Variants in SUGCT observed in about 807,000 individuals in gnomAD.
SUGCT encodes the protein succinyl-CoA:glutarate CoA-transferase.
Under a neutral mutation model 55.0 loss-of-function variants are expected in SUGCT, and 41 were observed. The ratio of observed to expected loss-of-function variants is 0.74; its 90% CI spans 0.58 to 0.97. SUGCT has a LOEUF of 0.97. Among genes scored for constraint, SUGCT ranks in the 50% least tolerant of loss-of-function variants. SUGCT has a pLI of 0.00. For synonymous variants in SUGCT, 187 were observed against 200.4 expected (o/e 0.93, Z 0.56); for missense variants, 568 against 547.8 (o/e 1.04, Z -0.37).
At chr7:40,317,724 T>G (rs1037838877) in intron 9 of SUGCT, among the ~76,000 whole-genome samples, 3 of 152,256 alleles carry the variant, frequency 2.0e-5, no homozygotes, top group African/African-American at 7.2e-5. Context: ...TCAACCCTGC[T>G]AATCATCCTT....
chr7:40,677,356 C>A (rs930847652), intron 12 of SUGCT, among the ~76,000 whole-genome samples: 10 of 152,218 alleles, frequency 6.6e-5, no homozygotes, highest in African/African-American at 2.4e-4. Flanking sequence ...ATTTTAATCA[C>A]TCACCAAAGT....
intron 11 of SUGCT, among the ~76,000 whole-genome samples, chr7:40,464,078 G>A (rs987118215): frequency 6.6e-6 from 1 of 152,184 alleles, no homozygotes; most frequent in African/African-American, 2.4e-5. Context: ...TAAAGATGAT[G>A]TATTAGTGTT....
At chr7:40,801,915 G>A (rs1485088032) in intron 13 of SUGCT, among the ~76,000 whole-genome samples, 1 of 151,664 alleles carries the variant, frequency 6.6e-6, no homozygotes, top group Admixed American at 6.6e-5. Context: ...TATAGCTCTT[G>A]TGAACAAGAA....
downstream of SUGCT, among the ~76,000 whole-genome samples, chr7:40,864,426 A>G (rs1161061156): frequency 6.6e-6 from 1 of 152,148 alleles, no homozygotes; most frequent in East Asian, 1.9e-4. Context: ...TGCTAGGATT[A>G]CAGACATGAG....
chr7:40,743,940 G>T (rs1787599717), intron 12 of SUGCT, among the ~76,000 whole-genome samples: 1 of 151,588 alleles, frequency 6.6e-6, no homozygotes, highest in African/African-American at 2.4e-5. Context: ...ATATATTTTT[G>T]AAACGGAGTC....
chr7:40,813,812 T>C (rs1791538910), intron 13 of SUGCT, among the ~76,000 whole-genome samples: 1 of 152,180 alleles, frequency 6.6e-6, no homozygotes, highest in African/African-American at 2.4e-5. Context: ...CTTGATAGGG[T>C]CTGTGGGCTA....
the SUGCT span, among the ~76,000 whole-genome samples, chr7:40,959,699 A>G: frequency 0.34 from 49,267 of 143,094 alleles, 8,860 homozygotes; most frequent in Admixed American, 0.47. Context: ...GGTGTTCCAG[A>G]TGCCACTGGG....
intron 12 of SUGCT, among the ~76,000 whole-genome samples, chr7:40,660,734 T>A (rs978639149): frequency 1.1e-4 from 17 of 152,194 alleles, no homozygotes; most frequent in Non-Finnish European, 1.9e-4. Context: ...CAGAAAACTT[T>A]GTTTGATAAA....
At chr7:40,769,083 T>C (rs1169135155) in intron 13 of SUGCT, among the ~76,000 whole-genome samples, 1 of 149,994 alleles carries the variant, frequency 6.7e-6, no homozygotes, top group Non-Finnish European at 1.5e-5. Context: ...ACAAGCTTTC[T>C]TACATGGGGA....
At chr7:40,622,528 G>GTTT (rs370877783) in intron 12 of SUGCT, among the ~76,000 whole-genome samples, 1,437 of 79,950 alleles carry the variant, frequency 0.018, 1 homozygote, top group East Asian at 0.031. Flanking sequence ...TGTTGTGGTT[G>GTTT]TTTTTTTTTT....
chr7:40,532,751 G>C (rs555649096), intron 12 of SUGCT, among the ~76,000 whole-genome samples: 2 of 152,130 alleles, frequency 1.3e-5, no homozygotes, highest in South Asian at 4.2e-4. Context: ...GTAACATACT[G>C]ATTCCATTAT....
chr7:40,335,321 C>G (rs1041601229), intron 9 of SUGCT, among the ~76,000 whole-genome samples: 22 of 151,906 alleles, frequency 1.4e-4, no homozygotes, highest in Non-Finnish European at 2.8e-4. Flanking sequence ...GGCATTGAAT[C>G]TATAAATTAC....
the SUGCT span, among the ~76,000 whole-genome samples, chr7:40,937,161 T>A: frequency 3.3e-5 from 5 of 152,192 alleles, no homozygotes; most frequent in South Asian, 6.2e-4. Context: ...AGTTTAGTTG[T>A]TCTTCCTCCA....
At chr7:40,222,187 TA>T (rs1383755897) in intron 6 of SUGCT, among the ~76,000 whole-genome samples, 3 of 152,208 alleles carry the variant, frequency 2.0e-5, no homozygotes, top group Admixed American at 1.3e-4. Context: ...TTCATCAGTG[TA>T]AAAAAGTCTG....
intron 9 of SUGCT, among the ~76,000 whole-genome samples, chr7:40,440,295 G>A (rs1788443829): frequency 6.6e-6 from 1 of 151,726 alleles, no homozygotes. Flanking sequence ...AAGTAGCTGG[G>A]ACTACAGGCA....
At chr7:40,382,039 C>G (rs999441269) in intron 9 of SUGCT, among the ~76,000 whole-genome samples, 13 of 151,626 alleles carry the variant, frequency 8.6e-5, no homozygotes, top group Middle Eastern at 3.4e-3. Flanking sequence ...GTGTGTAACT[C>G]TAGGAATTTC....
intron 12 of SUGCT, among the ~76,000 whole-genome samples, chr7:40,712,044 T>A (rs1785752841): frequency 1.3e-5 from 2 of 152,250 alleles, no homozygotes; most frequent in African/African-American, 4.8e-5. Flanking sequence ...CAAGCCTAGC[T>A]GACTTAGAAG....
chr7:40,664,047 G>A (rs1801474384), intron 12 of SUGCT, among the ~76,000 whole-genome samples: 1 of 152,122 alleles, frequency 6.6e-6, no homozygotes, highest in Non-Finnish European at 1.5e-5. Flanking sequence ...ATAGAGGGGA[G>A]ATGGCCATCT....
In SUGCT at chr7:40,733,604, A is replaced by C. The variant is rs573578812; in HGVS notation, c.1090-15830A>C. On this transcript the variant is annotated intron_variant, in intron 12 of 13. Transcript: ENST00000335693. ...GTTCTGGCCTTTTTGAGCCTGAGCA[A>C]ATTTTTGGCATAATGAATCAGGCAC... 7.9e-5 allele frequency among the ~76,000 whole-genome samples: 12 copies of C among 152,284 alleles called. No individual in the cohort carries two copies. The East Asian group carries it at 2.3e-3, about 29-fold the overall frequency.
Sources: allele counts gnomAD v4.1 joint callset (sites outside exome capture counted in the v4.1 genomes callset), GRCh38; gene constraint gnomAD v4.1.1; transcripts MANE v1.5; gene names NCBI Gene and HGNC (gene_info 2026-07-23, HGNC 2026-07-21).